FILIP1: variants seen among roughly 807,000 people sequenced by gnomAD.
The protein encoded by FILIP1 is filamin A interacting protein 1, also known as filamin-A-interacting protein 1.
Under a neutral mutation model 102.1 loss-of-function variants are expected in FILIP1, and 61 were observed. That is an observed-to-expected ratio of 0.60 (90% confidence interval 0.49 to 0.74). The LOEUF (loss-of-function observed/expected upper bound fraction) is 0.74. FILIP1 is among the 30% of genes least tolerant of loss of function. The pLI is 0.00. For synonymous variants in FILIP1, 491 were observed against 526.9 expected (o/e 0.93, Z 0.93); for missense variants, 1,314 against 1,441.2 (o/e 0.91, Z 1.43).
Position 75,308,468 on chromosome 6 carries a change from C to A in FILIP1, c.*223G>T. The A allele has an allele frequency of 7.3e-7, 1 of 1,363,336 alleles. No homozygotes were observed. Among genetic ancestry groups the A allele is most frequent in the South Asian group, 1.6e-5 (1 of 64,048 alleles). 84.5% of individuals were successfully genotyped at this position (1,363,336 alleles called of 1,614,324 possible). On this transcript the variant is annotated 3_prime_UTR_variant, in exon 6 of 6. Transcript: ENST00000237172. ...GAAGCAAAACTGGAACTAGAAACCA[C>A]GCCCTGGCTTCTAGGCAGCAAGCAA...
chr6:75,366,878 T>C (rs1562507791), intron 2 of FILIP1, among the ~76,000 whole-genome samples: 1 of 152,232 alleles, frequency 6.6e-6, no homozygotes, highest in East Asian at 1.9e-4. Flanking sequence ...CCAAAAGTTA[T>C]TTAATCTCCC....
At chr6:75,338,032 C>T (rs1358578605) in intron 4 of FILIP1, among the ~76,000 whole-genome samples, 1 of 152,158 alleles carries the variant, frequency 6.6e-6, no homozygotes, top group East Asian at 1.9e-4. Context: ...AGTCATAGTC[C>T]ACCATTTCCT....
Position 75,372,692 on chromosome 6 carries a change from AAAG to A in FILIP1, c.277-9778_277-9776del, listed in dbSNP as rs1775588415. Among the ~76,000 whole-genome samples, 13 of 45,320 alleles carry A rather than the reference AAAG, an allele frequency of 2.9e-4. No homozygotes were observed. The East Asian group carries it at 3.4e-3, about 12-fold the overall frequency. 29.7% of individuals were successfully genotyped at this position (45,320 alleles called of 152,430 possible). ...AAGAAAGAAAGAAAGAAAGAGAAAG[AAAG>A]AGAAAGAAAGAAAGAAAGGAAAGAA... On this transcript the variant is annotated intron_variant, in intron 2 of 5. Coordinates refer to ENST00000237172, the MANE Select transcript of FILIP1 (RefSeq NM_015687.5).
chr6:75,348,318 T>C (rs1455312466), intron 4 of FILIP1, among the ~76,000 whole-genome samples: 7 of 152,176 alleles, frequency 4.6e-5, no homozygotes, highest in Non-Finnish European at 1.5e-5. Flanking sequence ...AAACCAAATA[T>C]AGCATTTAGA....
At chr6:75,405,940 T>A (rs985421799) in intron 2 of FILIP1, among the ~76,000 whole-genome samples, 4 of 152,200 alleles carry the variant, frequency 2.6e-5, no homozygotes, top group African/African-American at 9.7e-5. Flanking sequence ...TACTGACATA[T>A]TGATTCTCTG....
At chr6:75,473,964 A>T (rs1779404243) in intron 1 of FILIP1, 1 of 152,196 alleles carries the variant, frequency 6.6e-6, no homozygotes, top group South Asian at 2.1e-4. Context: ...ATATCTTACT[A>T]AATTTTGAGT....
intron 1 of FILIP1, among the ~76,000 whole-genome samples, chr6:75,462,475 C>T (rs542454171): frequency 6.6e-6 from 1 of 151,914 alleles, no homozygotes; most frequent in South Asian, 2.1e-4. Flanking sequence ...ACTAGTTTGC[C>T]CATCTTGATA....
chr6:75,375,777 G>A (rs1187425867), intron 2 of FILIP1, among the ~76,000 whole-genome samples: 1 of 152,108 alleles, frequency 6.6e-6, no homozygotes, highest in Non-Finnish European at 1.5e-5. Flanking sequence ...ATTTCTTTGG[G>A]TTTACTGTGT....
At chr6:75,340,789 G>C (rs547106840) in intron 4 of FILIP1, among the ~76,000 whole-genome samples, 2 of 150,422 alleles carry the variant, frequency 1.3e-5, no homozygotes, top group Non-Finnish European at 3.0e-5. Context: ...TCTGCCTCCC[G>C]GGTTCAAGCA....
chr6:75,403,794 G>A (rs1212764298), intron 2 of FILIP1, among the ~76,000 whole-genome samples: 1 of 152,168 alleles, frequency 6.6e-6, no homozygotes, highest in African/African-American at 2.4e-5. Flanking sequence ...CTGATAAGGT[G>A]TAGGGACCTC....
chr6:75,383,330 T>C (rs983439179), intron 2 of FILIP1, among the ~76,000 whole-genome samples: 4 of 152,192 alleles, frequency 2.6e-5, no homozygotes, highest in African/African-American at 4.8e-5. Flanking sequence ...CATATAAATA[T>C]TGTCCCCCTA....
intron 1 of FILIP1, among the ~76,000 whole-genome samples, chr6:75,464,590 C>T (rs532079959): frequency 6.6e-6 from 1 of 152,310 alleles, no homozygotes; most frequent in East Asian, 1.9e-4. Flanking sequence ...CCAGCCAATT[C>T]TACCTTCTGA....
intron 4 of FILIP1, among the ~76,000 whole-genome samples, chr6:75,348,088 T>TAC (rs1330231633): frequency 1.3e-5 from 2 of 149,668 alleles, no homozygotes; most frequent in South Asian, 4.2e-4. Flanking sequence ...CACACACACA[T>TAC]ACACACACTT....
At chr6:75,423,346 A>G (rs1777528701) in intron 1 of FILIP1, among the ~76,000 whole-genome samples, 1 of 152,082 alleles carries the variant, frequency 6.6e-6, no homozygotes, top group Admixed American at 6.6e-5. Flanking sequence ...ACACAATAAC[A>G]TTGAACATTT....
chr6:75,446,963 T>C (rs1485116567), intron 1 of FILIP1, among the ~76,000 whole-genome samples: 4 of 152,166 alleles, frequency 2.6e-5, no homozygotes, highest in Admixed American at 2.0e-4. Context: ...TTTTAAATAG[T>C]CAGTGTTCAT....
At position 75,352,356 on chromosome 6, in the gene FILIP1, T is replaced by C. The variant is rs143782717; in HGVS notation, c.629+1183A>G. 3.3e-4 allele frequency among the ~76,000 whole-genome samples: 50 copies of C among 152,248 alleles called. 1 individual carries two copies. The highest frequency in any genetic ancestry group is 1.2e-3 in the African/African-American group (49 of 41,538). ...ATTCAATATCACTGGTTTCAAAGTC[T>C]GTGGAATTCACAGACATAAGCATTC... On this transcript the variant is annotated intron_variant, in intron 4 of 5. Transcript: ENST00000237172.
intron 2 of FILIP1, among the ~76,000 whole-genome samples, chr6:75,392,095 C>A (rs1011412784): frequency 6.6e-6 from 1 of 152,162 alleles, no homozygotes; most frequent in Non-Finnish European, 1.5e-5. Context: ...GCCCTACTTG[C>A]TGATTTTCCT....
At chr6:75,305,674 G>A (rs1275823622), downstream of FILIP1, among the ~76,000 whole-genome samples, 1 of 152,192 alleles carries the variant, frequency 6.6e-6, no homozygotes, top group East Asian at 1.9e-4. Context: ...ATGTAAGCTG[G>A]ACACCACCAT....
chr6:75,358,478 C>T (rs1775075239), intron 3 of FILIP1: 1 of 152,216 alleles, frequency 6.6e-6, no homozygotes. Flanking sequence ...GCATTAGGCT[C>T]CAGGAAGGCA....
Sources: gnomAD v4.1 joint callset for allele counts (sites outside exome capture counted in the v4.1 genomes callset) on GRCh38, gnomAD v4.1.1 for gene constraint, MANE v1.5 for transcripts, NCBI Gene and HGNC (gene_info 2026-07-23, HGNC 2026-07-21) for gene names.